Variants in DMTF1 observed in about 807,000 individuals in gnomAD.
The protein encoded by DMTF1 is cyclin-D-binding Myb-like transcription factor 1.
In DMTF1, 39 loss-of-function variants were observed where a neutral mutation model predicts 91.1. The ratio of observed to expected loss-of-function variants is 0.43; its 90% CI spans 0.33 to 0.56. The LOEUF (loss-of-function observed/expected upper bound fraction) is 0.56, where lower values mean the gene tolerates loss of function less well. Ranked by LOEUF, DMTF1 falls within the 20% of genes least tolerant of loss-of-function variation. The pLI, the probability that DMTF1 is intolerant of heterozygous loss-of-function variation, is 0.05. For synonymous variants in DMTF1, 338 were observed against 309.5 expected, an observed-to-expected ratio of 1.09 and a Z score of -0.97; for missense variants, 750 against 914.5, an observed-to-expected ratio of 0.82 and a Z score of 2.32.
At chr7:87,160,500 C>G (rs902203440) in intron 1 of DMTF1, among the ~76,000 whole-genome samples, 3 of 151,922 alleles carry the variant, frequency 2.0e-5, no homozygotes, top group Admixed American at 2.0e-4. Context: ...GTTTCGAACT[C>G]CTGACCTCAG....
chr7:87,193,449 TC>T (rs1263566672), intron 15 of DMTF1, 96 bp downstream of exon 15: 2 of 1,273,564 alleles, frequency 1.6e-6, no homozygotes, highest in Middle Eastern at 2.1e-4. Flanking sequence ...AAACAGTTCT[TC>T]CTACTGCTGC....
chr7:87,169,956 A>T (rs2129089664), intron 4 of DMTF1, among the ~76,000 whole-genome samples: 1 of 152,280 alleles, frequency 6.6e-6, no homozygotes, highest in South Asian at 2.1e-4. Context: ...TAACTACCAG[A>T]TTTATTCCAG....
intron 1 of DMTF1, among the ~76,000 whole-genome samples, chr7:87,160,115 C>A (rs1051842747): frequency 6.6e-6 from 1 of 152,114 alleles, no homozygotes; most frequent in Admixed American, 6.6e-5. Flanking sequence ...TTCTACTCTA[C>A]TATCACAATT....
chr7:87,160,461 G>A (rs549327978), intron 1 of DMTF1, among the ~76,000 whole-genome samples: 1 of 151,850 alleles, frequency 6.6e-6, no homozygotes, highest in Non-Finnish European at 1.5e-5. Flanking sequence ...TTTTAGTAGA[G>A]ACGGGGTTTC....
At chr7:87,179,479 A>C in intron 7 of DMTF1, 66 bp from the exon 8 acceptor site, 1 of 1,318,218 alleles carries the variant, frequency 7.6e-7, no homozygotes, top group Non-Finnish European at 9.8e-7. Flanking sequence ...ACAAATTTTA[A>C]AAGCATAGTA....
chr7:87,190,506 T>C (rs1459855798), intron 13 of DMTF1, among the ~76,000 whole-genome samples: 3 of 152,100 alleles, frequency 2.0e-5, no homozygotes, highest in Non-Finnish European at 4.4e-5. Context: ...CTTTACTTCC[T>C]ACCGTTAGAA....
chr7:87,185,373 A>G (rs1798184572), intron 11 of DMTF1, among the ~76,000 whole-genome samples: 1 of 151,304 alleles, frequency 6.6e-6, no homozygotes, highest in African/African-American at 2.4e-5. Context: ...CTTTTGTGTT[A>G]TTTTGTTTTG....
At chr7:87,190,758 A>AT (rs1277885325) in intron 13 of DMTF1, among the ~76,000 whole-genome samples, 187 bp from the exon 14 acceptor site, 1 of 152,076 alleles carries the variant, frequency 6.6e-6, no homozygotes, top group Non-Finnish European at 1.5e-5. Flanking sequence ...CCTGCACTAT[A>AT]TGTCATGCAA....
intron 7 of DMTF1, among the ~76,000 whole-genome samples, chr7:87,175,365 T>TA (rs1196651928): frequency 6.6e-6 from 1 of 152,172 alleles, no homozygotes; most frequent in African/African-American, 2.4e-5. Context: ...TAGTAGTCCT[T>TA]ACCTTTTAAA....
intron 5 of DMTF1, among the ~76,000 whole-genome samples, chr7:87,173,249 T>C (rs1795508817): frequency 6.6e-6 from 1 of 152,170 alleles, no homozygotes; most frequent in African/African-American, 2.4e-5. Flanking sequence ...CTTGGCCCAT[T>C]TTATATAAAA....
intron 10 of DMTF1, 89 bp downstream of exon 10, chr7:87,182,426 C>G: frequency 8.2e-7 from 1 of 1,213,902 alleles, no homozygotes; most frequent in Non-Finnish European, 1.2e-6. Flanking sequence ...TCTTGGGGAG[C>G]GATTTAGATC....
At position 87,163,633 on chromosome 7, in the gene DMTF1, T is replaced by C. The variant is rs1232855381; in HGVS notation, c.-9+16T>C. The C allele has an allele frequency of 6.6e-6, 1 of 152,204 alleles. No homozygotes were observed. Among genetic ancestry groups the C allele is most frequent in the African/African-American group, 2.4e-5 (1 of 41,444 alleles). The allele number at this position is 152,204 out of a possible 1,614,324, so 9.4% of individuals were successfully genotyped here. On this transcript the variant is annotated intron_variant, in intron 2 of 17. Transcript: ENST00000331242. ...CGTTGTCTAGGTAAGTCTGCTTCTG[T>C]TGCAAGGATCTCACATGATTTGCAA...
At chr7:87,186,049 T>G in intron 12 of DMTF1, 69 bp downstream of exon 12, 1 of 1,538,718 alleles carries the variant, frequency 6.5e-7, no homozygotes, top group Non-Finnish European at 8.9e-7. Context: ...GAGTGAGAGG[T>G]TAGAAGTTCT....
intron 1 of DMTF1, among the ~76,000 whole-genome samples, chr7:87,162,492 A>G (rs1792716957): frequency 6.6e-6 from 1 of 152,192 alleles, no homozygotes; most frequent in Non-Finnish European, 1.5e-5. Context: ...ACACACATAC[A>G]CCGGGAGATG....
intron 1 of DMTF1, chr7:87,163,155 C>CACATCATGTT (rs759951575): frequency 6.6e-6 from 1 of 150,710 alleles, no homozygotes; most frequent in Non-Finnish European, 1.5e-5. Context: ...GATTGATATA[C>CACATCATGTT]ACATCATGTT....
Position 87,179,682 on chromosome 7 carries a change from T to C in DMTF1, c.657T>C (p.Asp219=). The change falls in exon 8 of 18, where the codon GAT becomes GAC. Residue 219 remains aspartate (D), a synonymous_variant. Transcript: ENST00000331242. The stretch of plus-strand genomic sequence containing the variant: ...ATAGAAGAGTGCTTCGCATGTATGA[T>C]GACAGAAACCATGTGGGAAAGTATG... The part of the protein sequence containing the change: ...AVYRRVLRMY[D]DRNHVGKYTP... The C allele has an allele frequency of 6.3e-7, 1 of 1,577,016 alleles. No individual in the cohort carries two copies. Among genetic ancestry groups the C allele is most frequent in the Non-Finnish European group, 8.6e-7 (1 of 1,167,388 alleles).
chr7:87,165,819 C>G (rs1338599370), intron 3 of DMTF1, among the ~76,000 whole-genome samples: 1 of 152,150 alleles, frequency 6.6e-6, no homozygotes, highest in Non-Finnish European at 1.5e-5. Context: ...CTCTCATCAC[C>G]TGCATCATTT....
intron 9 of DMTF1, among the ~76,000 whole-genome samples, chr7:87,181,730 T>G (rs1797418358): frequency 6.6e-6 from 1 of 152,234 alleles, no homozygotes; most frequent in East Asian, 1.9e-4. Flanking sequence ...CTGGGCTGAC[T>G]CAACCTTGCA....
At chr7:87,173,724 C>A in intron 6 of DMTF1, 75 bp downstream of exon 6, 1 of 803,512 alleles carries the variant, frequency 1.2e-6, no homozygotes, top group Non-Finnish European at 1.9e-6. Context: ...CATCAGGATT[C>A]TGAGTTGGAC....
Sources: gnomAD v4.1 joint callset for allele counts (sites outside exome capture counted in the v4.1 genomes callset) on GRCh38, gnomAD v4.1.1 for gene constraint, MANE v1.5 for transcripts, NCBI Gene and HGNC (gene_info 2026-07-23, HGNC 2026-07-21) for gene names.